Variants in AGBL4 observed in about 807,000 individuals in gnomAD.
The protein encoded by AGBL4 is AGBL carboxypeptidase 4.
A neutral mutation model predicts 66.4 loss-of-function variants in AGBL4; 58 were observed. That is an observed-to-expected ratio of 0.87 (90% CI 0.71 to 1.09). The LOEUF is 1.09. Among genes scored for constraint, AGBL4 ranks in the 50% least tolerant of loss-of-function variants. The probability of loss-of-function intolerance (pLI) is 0.00; values close to 1 mark genes in which losing one functional copy is unlikely to be tolerated. For missense variants in AGBL4, 579 were observed against 631.0 expected, an observed-to-expected ratio of 0.92 and a Z score of 0.88; for synonymous variants, 234 against 222.9, an observed-to-expected ratio of 1.05 and a Z score of -0.44.
intron 11 of AGBL4, among the ~76,000 whole-genome samples, chr1:48,541,097 G>T (rs1287598540): frequency 6.6e-6 from 1 of 152,090 alleles, no homozygotes; most frequent in Admixed American, 6.6e-5. Context: ...TCACATTCCA[G>T]AAACACTGAG....
chr1:49,463,559 T>G (rs968866456), intron 3 of AGBL4, among the ~76,000 whole-genome samples: 3 of 151,774 alleles, frequency 2.0e-5, no homozygotes, highest in Admixed American at 1.3e-4. Context: ...AGGATGTTCC[T>G]TCTCATCTGC....
intron 9 of AGBL4, among the ~76,000 whole-genome samples, chr1:48,597,388 C>A (rs1056243618): frequency 6.6e-6 from 1 of 152,002 alleles, no homozygotes. Flanking sequence ...ATCAGATAAG[C>A]AAGGTAATTG....
intron 1 of AGBL4, among the ~76,000 whole-genome samples, chr1:49,966,043 G>A (rs1013387544): frequency 1.3e-5 from 2 of 150,524 alleles, no homozygotes; most frequent in Non-Finnish European, 2.9e-5. Context: ...CCGGGTTCAC[G>A]CCATTCTCCT....
intron 3 of AGBL4, among the ~76,000 whole-genome samples, chr1:49,267,521 A>G (rs990156895): frequency 6.6e-6 from 1 of 152,156 alleles, no homozygotes; most frequent in Non-Finnish European, 1.5e-5. Flanking sequence ...TCTATTAAAA[A>G]TACAAAAAAT....
chr1:49,020,753 T>C (rs868853860), intron 5 of AGBL4, among the ~76,000 whole-genome samples: 3 of 152,194 alleles, frequency 2.0e-5, no homozygotes, highest in Admixed American at 6.5e-5. Context: ...TTCTCACCTT[T>C]GCCTGTACCT....
intron 5 of AGBL4, among the ~76,000 whole-genome samples, chr1:48,872,037 A>T (rs943127994): frequency 1.3e-5 from 2 of 152,298 alleles, no homozygotes; most frequent in South Asian, 2.1e-4. Flanking sequence ...TGAAAATCAC[A>T]CATGCTGATT....
chr1:49,571,750 T>C (rs2148871071), intron 3 of AGBL4, among the ~76,000 whole-genome samples: 1 of 152,294 alleles, frequency 6.6e-6, no homozygotes, highest in South Asian at 2.1e-4. Context: ...GTCTCCCTTC[T>C]GTGTCATTTG....
chr1:48,862,575 C>G (rs934568358), intron 6 of AGBL4, among the ~76,000 whole-genome samples: 1 of 152,194 alleles, frequency 6.6e-6, no homozygotes, highest in East Asian at 1.9e-4. Flanking sequence ...CCTGCCTCAG[C>G]CTCCCAGTGT....
intron 2 of AGBL4, among the ~76,000 whole-genome samples, chr1:49,703,305 T>G (rs7530585): frequency 0.61 from 93,059 of 151,608 alleles, 29,202 homozygotes; most frequent in Middle Eastern, 0.68. Flanking sequence ...TGAACATTCT[T>G]AAAATAAAAT....
At chr1:49,389,074 T>C (rs1644795212) in intron 3 of AGBL4, among the ~76,000 whole-genome samples, 2 of 152,090 alleles carry the variant, frequency 1.3e-5, no homozygotes, top group Non-Finnish European at 2.9e-5. Context: ...TGGAAGGAGA[T>C]AAAACAAGGT....
At chr1:49,444,273 T>C (rs973017942) in intron 3 of AGBL4, among the ~76,000 whole-genome samples, 5 of 152,100 alleles carry the variant, frequency 3.3e-5, no homozygotes, top group Non-Finnish European at 1.5e-5. Flanking sequence ...GTTAGGCCAG[T>C]TGGTATAAGC....
chr1:48,604,089 C>T (rs1215118339), intron 9 of AGBL4, among the ~76,000 whole-genome samples: 1 of 152,078 alleles, frequency 6.6e-6, no homozygotes, highest in Non-Finnish European at 1.5e-5. Flanking sequence ...GCCGAGTTGG[C>T]ACCACCGCAC....
At chr1:49,099,624 ACTT>A (rs1443405623) in intron 4 of AGBL4, among the ~76,000 whole-genome samples, 1 of 152,068 alleles carries the variant, frequency 6.6e-6, no homozygotes, top group East Asian at 1.9e-4. Flanking sequence ...GCCATGAACT[ACTT>A]CTTTTTTGTA....
chr1:49,125,182 A>G (rs2148054315), intron 4 of AGBL4, among the ~76,000 whole-genome samples: 1 of 152,296 alleles, frequency 6.6e-6, no homozygotes, highest in Admixed American at 6.5e-5. Flanking sequence ...ATTTTGGTGC[A>G]TTTTCTGGAA....
At chr1:49,585,984 T>G (rs1042539794) in intron 3 of AGBL4, among the ~76,000 whole-genome samples, 7 of 152,238 alleles carry the variant, frequency 4.6e-5, no homozygotes, top group African/African-American at 1.7e-4. Context: ...TCCCTACCTT[T>G]ACCCATATGT....
chr1:49,190,470 T>C (rs983849897), intron 4 of AGBL4, among the ~76,000 whole-genome samples: 3 of 152,198 alleles, frequency 2.0e-5, no homozygotes, highest in Non-Finnish European at 4.4e-5. Context: ...TGGTTTGACT[T>C]TGCATTCATC....
intron 3 of AGBL4, among the ~76,000 whole-genome samples, chr1:49,665,422 C>G (rs767672874): frequency 6.6e-6 from 1 of 152,136 alleles, no homozygotes; most frequent in African/African-American, 2.4e-5. Context: ...CTCTGTAAGA[C>G]TGAGTTCCTT....
chr1:48,596,631 A>C (rs890719986), intron 9 of AGBL4, among the ~76,000 whole-genome samples: 1 of 152,130 alleles, frequency 6.6e-6, no homozygotes, highest in African/African-American at 2.4e-5. Context: ...TTTTTTGTAG[A>C]GACAAGGTTT....
chr1:49,419,580 A>C (rs1313427144), intron 3 of AGBL4, among the ~76,000 whole-genome samples: 1 of 152,210 alleles, frequency 6.6e-6, no homozygotes, highest in East Asian at 1.9e-4. Flanking sequence ...TCTATTCAAC[A>C]AATGAAATCT....
Sources: gnomAD v4.1 joint callset for allele counts (sites outside exome capture counted in the v4.1 genomes callset) on GRCh38, gnomAD v4.1.1 for gene constraint, MANE v1.5 for transcripts, NCBI Gene and HGNC (gene_info 2026-07-23, HGNC 2026-07-21) for gene names.